Variants in RAD51B observed in about 807,000 individuals in gnomAD.
RAD51B encodes RAD51 paralog B, also known as DNA repair protein RAD51 homolog 2.
Under a neutral mutation model 42.2 loss-of-function variants are expected in RAD51B, and 38 were observed. The ratio of observed to expected loss-of-function variants is 0.90; its 90% CI spans 0.70 to 1.18. RAD51B has a LOEUF of 1.18. Among genes scored for constraint, RAD51B ranks in the 50% most tolerant of loss-of-function variants. RAD51B has a pLI of 0.00. For synonymous variants in RAD51B, 154 were observed against 145.2 expected (o/e 1.06, Z -0.43); for missense variants, 373 against 400.7 (o/e 0.93, Z 0.59).
intron 8 of RAD51B, among the ~76,000 whole-genome samples, chr14:68,345,131 G>A (rs974174519): frequency 4.6e-5 from 7 of 152,074 alleles, no homozygotes; most frequent in Non-Finnish European, 1.0e-4. Flanking sequence ...AGGCTCATAG[G>A]TGGAAGGAAC....
intron 8 of RAD51B, among the ~76,000 whole-genome samples, chr14:68,347,627 G>T (rs1168500707): frequency 6.6e-6 from 1 of 152,186 alleles, no homozygotes; most frequent in Non-Finnish European, 1.5e-5. Context: ...AGCCATGATT[G>T]TGCCACTGCA....
chr14:68,119,485 C>T (rs1335125323), intron 7 of RAD51B, among the ~76,000 whole-genome samples: 1 of 109,692 alleles, frequency 9.1e-6, no homozygotes, highest in Non-Finnish European at 1.7e-5. Context: ...CACCCCACAA[C>T]AGTCCCCAGA....
chr14:68,329,037 C>A (rs1172703389), intron 8 of RAD51B, among the ~76,000 whole-genome samples: 1 of 152,084 alleles, frequency 6.6e-6, no homozygotes, highest in Non-Finnish European at 1.5e-5. Flanking sequence ...GAGACAGGGT[C>A]TTTTGCTGTT....
chr14:68,160,216 A>G (rs2078608810), intron 7 of RAD51B, among the ~76,000 whole-genome samples: 2 of 152,260 alleles, frequency 1.3e-5, no homozygotes, highest in Non-Finnish European at 2.9e-5. Context: ...AAGGAATCAT[A>G]TAACTTTAGA....
At chr14:68,385,805 A>G (rs1433031087) in intron 8 of RAD51B, among the ~76,000 whole-genome samples, 2 of 152,234 alleles carry the variant, frequency 1.3e-5, no homozygotes, top group Non-Finnish European at 2.9e-5. Flanking sequence ...TGAAAATGAT[A>G]TGCTAATTTT....
chr14:68,629,016 G>T (rs1010180321), intron 10 of RAD51B, among the ~76,000 whole-genome samples: 1 of 152,158 alleles, frequency 6.6e-6, no homozygotes, highest in Non-Finnish European at 1.5e-5. Context: ...CTTTCTTCCC[G>T]CAAGTTCGGG....
intron 9 of RAD51B, among the ~76,000 whole-genome samples, chr14:68,448,638 C>T (rs1039393153): frequency 6.6e-6 from 1 of 152,162 alleles, no homozygotes; most frequent in South Asian, 2.1e-4. Flanking sequence ...TATGTAATTT[C>T]CAAGTGTGTC....
At chr14:68,331,366 T>TAAAAA (rs1477806707) in intron 8 of RAD51B, among the ~76,000 whole-genome samples, 1 of 14,128 alleles carries the variant, frequency 7.1e-5, no homozygotes, top group East Asian at 9.2e-4. Flanking sequence ...AGACTCTGTC[T>TAAAAA]CAAAAAAAAA....
At chr14:68,228,793 T>A (rs1024490068) in intron 7 of RAD51B, among the ~76,000 whole-genome samples, 1 of 152,250 alleles carries the variant, frequency 6.6e-6, no homozygotes, top group African/African-American at 2.4e-5. Context: ...CAAGCCACTA[T>A]TTCTTGACTG....
chr14:68,552,806 T>TG (rs1888645877), intron 10 of RAD51B, among the ~76,000 whole-genome samples: 1 of 152,178 alleles, frequency 6.6e-6, no homozygotes, highest in South Asian at 2.1e-4. Context: ...TTCTAGTCCT[T>TG]ACATGTGCAG....
At chr14:67,883,647 C>T (rs1271865126) in intron 5 of RAD51B, among the ~76,000 whole-genome samples, 1 of 152,158 alleles carries the variant, frequency 6.6e-6, no homozygotes, top group Admixed American at 6.5e-5. Flanking sequence ...GCGCTAGCCC[C>T]ACCTGTCACA....
chr14:68,355,654 G>A (rs2082884416), intron 8 of RAD51B, among the ~76,000 whole-genome samples: 1 of 151,940 alleles, frequency 6.6e-6, no homozygotes, highest in African/African-American at 2.4e-5. Context: ...TGTTATTATT[G>A]TTTTCTAGTT....
At chr14:67,909,522 T>A (rs2043894542) in intron 7 of RAD51B, among the ~76,000 whole-genome samples, 1 of 152,206 alleles carries the variant, frequency 6.6e-6, no homozygotes, top group Non-Finnish European at 1.5e-5. Flanking sequence ...ATCTTTGCGG[T>A]TTTGTTTGTA....
At chr14:68,564,640 A>G (rs1269506096) in intron 10 of RAD51B, among the ~76,000 whole-genome samples, 1 of 152,176 alleles carries the variant, frequency 6.6e-6, no homozygotes, top group Non-Finnish European at 1.5e-5. Flanking sequence ...AAACTCTGCT[A>G]TCTCCTCACA....
Position 67,835,197 on chromosome 14 carries a change from G to A in RAD51B, c.315+1G>A, listed in dbSNP as rs1335696864. 3 of 1,607,948 alleles carry A rather than the reference G, an allele frequency of 1.9e-6. No homozygotes were observed. The highest frequency in any genetic ancestry group is 2.6e-6 in the Non-Finnish European group (3 of 1,174,882). On this transcript the variant is annotated splice_donor_variant, in intron 4 of 10. Coordinates refer to ENST00000471583, the MANE Select transcript of RAD51B (RefSeq NM_133510.4). LOFTEE classifies it high-confidence loss of function. ...TGTGGCTTGTGGATCCCTCACAGAGGTAAAGGAAAAATTTTTCGTACCTTC... is the reference window on the plus strand; with the variant it reads ...TGTGGCTTGTGGATCCCTCACAGAGATAAAGGAAAAATTTTTCGTACCTTC...
At chr14:68,179,995 G>C (rs1266816141) in intron 7 of RAD51B, among the ~76,000 whole-genome samples, 1 of 152,092 alleles carries the variant, frequency 6.6e-6, no homozygotes, top group Admixed American at 6.6e-5. Flanking sequence ...ATTTGTGTAT[G>C]GGGGGAGAGG....
intron 8 of RAD51B, among the ~76,000 whole-genome samples, chr14:68,373,231 G>T (rs570154627): frequency 6.6e-6 from 1 of 152,160 alleles, no homozygotes; most frequent in Non-Finnish European, 1.5e-5. Context: ...ATTACCCTGA[G>T]TATGTTGCAT....
chr14:68,440,845 T>C (rs115829536), intron 9 of RAD51B, among the ~76,000 whole-genome samples: 1 of 152,326 alleles, frequency 6.6e-6, no homozygotes, highest in African/African-American at 2.4e-5. Context: ...GTTCTAATAC[T>C]ACAGGGAACA....
At chr14:68,555,613 A>C (rs534935257) in intron 10 of RAD51B, among the ~76,000 whole-genome samples, 3 of 152,152 alleles carry the variant, frequency 2.0e-5, no homozygotes, top group Non-Finnish European at 4.4e-5. Flanking sequence ...CTGTTTGCTC[A>C]CTGACAGCCA....
Sources: gnomAD v4.1 joint callset for allele counts (sites outside exome capture counted in the v4.1 genomes callset) on GRCh38, gnomAD v4.1.1 for gene constraint, MANE v1.5 for transcripts, NCBI Gene and HGNC (gene_info 2026-07-23, HGNC 2026-07-21) for gene names.